The following SYTL3 variants were observed in gnomAD, a reference collection of about 807,000 sequenced individuals.
The protein encoded by SYTL3 is synaptotagmin like 3, also known as synaptotagmin-like protein 3.
A neutral mutation model predicts 82.1 loss-of-function variants in SYTL3; 88 were observed. That is an observed-to-expected ratio of 1.07 (90% CI 0.90 to 1.28). The LOEUF (loss-of-function observed/expected upper bound fraction) is 1.28, where lower values mean the gene tolerates loss of function less well. Ranked by LOEUF, SYTL3 falls within the 50% of genes most tolerant of loss-of-function variation. The pLI is 0.00. For missense variants in SYTL3, 831 were observed against 757.6 expected (o/e 1.10, Z -1.14); for synonymous variants, 311 against 289.4 (o/e 1.07, Z -0.76).
intron 10 of SYTL3, among the ~76,000 whole-genome samples, 197 bp from the exon 11 acceptor site, chr6:158,725,306 G>A (rs989535998): frequency 7.2e-5 from 11 of 151,902 alleles, no homozygotes; most frequent in South Asian, 2.1e-4. Context: ...GCTCGCATGC[G>A]CGTGTGTGGT....
intron 12 of SYTL3, among the ~76,000 whole-genome samples, chr6:158,750,913 A>G (rs1788304986): frequency 6.6e-6 from 1 of 152,140 alleles, no homozygotes; most frequent in African/African-American, 2.4e-5. Flanking sequence ...CTCCTGCCTC[A>G]GCCTCCTGAG....
chr6:158,728,136 G>A (rs1562432037), intron 11 of SYTL3, among the ~76,000 whole-genome samples: 1 of 151,824 alleles, frequency 6.6e-6, no homozygotes, highest in Non-Finnish European at 1.5e-5. Context: ...GTTCTTTTAC[G>A]GTTAAGTCTG....
chr6:158,704,675 G>A (rs975652275), intron 6 of SYTL3, among the ~76,000 whole-genome samples: 1 of 152,272 alleles, frequency 6.6e-6, no homozygotes, highest in Non-Finnish European at 1.5e-5. Flanking sequence ...CGGAAGCCAC[G>A]TGGGCCTGGA....
At chr6:158,739,796 T>C (rs1237948916) in intron 11 of SYTL3, among the ~76,000 whole-genome samples, 1 of 152,178 alleles carries the variant, frequency 6.6e-6, no homozygotes, top group Non-Finnish European at 1.5e-5. Flanking sequence ...GTTACAGGCA[T>C]GAACCATGGT....
At chr6:158,711,197 T>A (rs773470008) in intron 8 of SYTL3, among the ~76,000 whole-genome samples, 1 of 152,186 alleles carries the variant, frequency 6.6e-6, no homozygotes, top group Non-Finnish European at 1.5e-5. Flanking sequence ...CTTTTAAACT[T>A]TTACCATTCA....
chr6:158,724,214 C>T (rs1032026813), intron 10 of SYTL3, among the ~76,000 whole-genome samples: 4 of 152,216 alleles, frequency 2.6e-5, no homozygotes, highest in Admixed American at 2.6e-4. Flanking sequence ...TCTTCCTCCC[C>T]TTCTACTCTT....
At chr6:158,749,096 G>A (rs1202181495) in intron 12 of SYTL3, among the ~76,000 whole-genome samples, 1 of 151,950 alleles carries the variant, frequency 6.6e-6, no homozygotes, top group Non-Finnish European at 1.5e-5. Flanking sequence ...ATGGTGGCAT[G>A]TGCCTGTAAT....
chr6:158,672,994 G>T (rs895782508), intron 5 of SYTL3, among the ~76,000 whole-genome samples: 5 of 152,008 alleles, frequency 3.3e-5, no homozygotes, highest in African/African-American at 1.2e-4. Context: ...TACAGGGTGT[G>T]ATCATAGCTC....
intron 6 of SYTL3, among the ~76,000 whole-genome samples, chr6:158,687,580 C>T (rs1779427695): frequency 6.6e-6 from 1 of 152,178 alleles, no homozygotes; most frequent in African/African-American, 2.4e-5. Context: ...ATGGCGACAC[C>T]TCTCACTCTG....
intron 2 of SYTL3, among the ~76,000 whole-genome samples, chr6:158,657,313 C>A (rs1302924856): frequency 6.6e-6 from 1 of 151,356 alleles, no homozygotes; most frequent in Non-Finnish European, 1.5e-5. Flanking sequence ...GTAATCCCAG[C>A]TACTCAGGAG....
Position 158,764,685 on chromosome 6 carries a change from TC to T in SYTL3, c.*84del. 9.8e-7 allele frequency: 1 copy of T among 1,023,664 alleles called. No homozygotes were observed. The allele number at this position is 1,023,664 out of a possible 1,614,324, so 63.4% of individuals were successfully genotyped here. ...GAGGGGCTACGAACCAGGTGCAGGG[TC>T]CCAGCTGGAGACCCCTTTGACCTTG... On this transcript the variant is annotated 3_prime_UTR_variant, in exon 18 of 18. Coordinates refer to ENST00000611299, the MANE Select transcript of SYTL3 (RefSeq NM_001242394.2).
chr6:158,760,582 C>A (rs541846361), intron 14 of SYTL3, 58 bp from the exon 15 acceptor site: 1 of 1,495,392 alleles, frequency 6.7e-7, no homozygotes, highest in African/African-American at 1.4e-5. Flanking sequence ...CCAGAGGAAC[C>A]CAGAAGGTTC....
chr6:158,747,515 G>C (rs115885479), intron 12 of SYTL3, among the ~76,000 whole-genome samples: 2,973 of 152,038 alleles, frequency 0.02, 50 homozygotes, highest in Middle Eastern at 0.058. Context: ...CAGGAGTGGA[G>C]TGCAATGGCA....
intron 12 of SYTL3, among the ~76,000 whole-genome samples, chr6:158,747,009 C>T (rs189421269): frequency 5.3e-5 from 8 of 151,874 alleles, no homozygotes; most frequent in South Asian, 2.1e-4. Flanking sequence ...TTTTTTGAGA[C>T]GGAGTCTTGC....
chr6:158,714,425 G>A (rs1221906688), intron 9 of SYTL3, among the ~76,000 whole-genome samples: 3 of 151,824 alleles, frequency 2.0e-5, no homozygotes, highest in East Asian at 1.9e-4. Context: ...GGCCAGTAGG[G>A]CCCAATTATC....
chr6:158,736,568 C>T (rs1295995229), intron 11 of SYTL3, among the ~76,000 whole-genome samples: 1 of 151,940 alleles, frequency 6.6e-6, no homozygotes, highest in African/African-American at 2.4e-5. Context: ...GCGGGCGGAT[C>T]ACCTGAGGTC....
At chr6:158,709,288 G>A (rs1782491262) in intron 8 of SYTL3, among the ~76,000 whole-genome samples, 1 of 152,148 alleles carries the variant, frequency 6.6e-6, no homozygotes. Context: ...GCATAGCCTA[G>A]CCTGCCTTAA....
intron 5 of SYTL3, among the ~76,000 whole-genome samples, chr6:158,670,820 T>G (rs1415438669): frequency 6.7e-6 from 1 of 149,952 alleles, no homozygotes; most frequent in Non-Finnish European, 1.5e-5. Context: ...TTTTTTTTTT[T>G]GAGACTGAGT....
intron 13 of SYTL3, among the ~76,000 whole-genome samples, chr6:158,754,668 T>C (rs935339377): frequency 1.3e-5 from 2 of 152,288 alleles, no homozygotes; most frequent in African/African-American, 4.8e-5. Flanking sequence ...TGCAGTGAGC[T>C]GAGATCACAC....
Sources: gnomAD v4.1 joint callset for allele counts (sites outside exome capture counted in the v4.1 genomes callset) on GRCh38, gnomAD v4.1.1 for gene constraint, MANE v1.5 for transcripts, NCBI Gene and HGNC (gene_info 2026-07-23, HGNC 2026-07-21) for gene names.